FLG: variants seen among roughly 807,000 people sequenced by gnomAD.
FLG encodes the protein filaggrin.
In FLG, 6 loss-of-function variants were observed where a neutral mutation model predicts 3.8. That is an observed-to-expected ratio of 1.60 (90% CI 0.87 to 3.15). FLG has a LOEUF of 3.15. FLG is among the 30% of genes most tolerant of loss of function. FLG has a pLI of 0.00. For synonymous variants in FLG, 2,551 were observed against 1,931.6 expected, an observed-to-expected ratio of 1.32 and a Z score of -8.41; for missense variants, 7,595 against 5,050.9, an observed-to-expected ratio of 1.50 and a Z score of -15.27.
Position 152,307,620 on chromosome 1 carries a change from T to C in FLG, c.7266A>G (p.Glu2422=), listed in dbSNP as rs1652069864. 6.2e-7 allele frequency: 1 copy of C among 1,613,526 alleles called. No individual in the cohort carries two copies. Among genetic ancestry groups the C allele is most frequent in the Non-Finnish European group, 8.5e-7 (1 of 1,179,890 alleles). The part of the protein sequence containing the change: ...GSFLYQVSTH[E]QSESAHGRTG... ...TCCGTCCATGGGCGGACTCAGACTG[T>C]TCATGAGTGCTCACCTGGTAGAGGA... Residue 2422 remains glutamate, a synonymous_variant, in exon 3 of 3, where the codon GAA becomes GAG. Coordinates refer to ENST00000368799, the MANE Select transcript of FLG (RefSeq NM_002016.2).
At position 152,308,991 on chromosome 1, in the gene FLG, G is replaced by A. The variant is rs147091039; in HGVS notation, c.5895C>T (p.Ala1965=). ...RHPGSHHEDR[A]GHGHSADSSR... Reference sequence around the variant, plus strand: ...AGCTGTCTGCAGAGTGCCCGTGACCGGCTCTGTCTTCGTGATGGGACCCAG... The same window carrying A: ...AGCTGTCTGCAGAGTGCCCGTGACCAGCTCTGTCTTCGTGATGGGACCCAG... Residue 1965 remains alanine (A), a synonymous_variant, in exon 3 of 3, where the codon GCC becomes GCT. Coordinates refer to ENST00000368799, the MANE Select transcript of FLG (RefSeq NM_002016.2). The A allele has an allele frequency of 9.2e-5, 149 of 1,614,140 alleles. No individual in the cohort carries two copies. Among genetic ancestry groups the A allele is most frequent in the East Asian group, 8.9e-4 (40 of 44,880 alleles).
rs780478963 is a variant in FLG at position 152,310,852 on chromosome 1, G to T, written c.4034C>A (p.Ser1345Tyr). Residue 1345 changes from serine (S) to tyrosine (Y), a missense_variant, in exon 3 of 3, where the codon TCC (serine) becomes TAC (tyrosine). Transcript: ENST00000368799. ...ESSSHGQAVSSHEQARSSPGE... is the reference protein window; with the variant it reads ...ESSSHGQAVSYHEQARSSPGE... The stretch of plus-strand genomic sequence containing the variant: ...TGGACTTGATCTTGCCTGTTCATGG[G>T]ATGACACAGCCTGTCCATGAGAGGA... 2.5e-6 allele frequency: 4 copies of T among 1,613,830 alleles called. No individual in the cohort carries two copies. The highest frequency in any genetic ancestry group is 3.4e-6 in the Non-Finnish European group (4 of 1,179,860).
At position 152,308,432 on chromosome 1, in the gene FLG, A is replaced by T; in HGVS notation, c.6454T>A (p.Ser2152Thr). 6.2e-7 allele frequency: 1 copy of T among 1,611,990 alleles called. No individual in the cohort carries two copies. The highest frequency in any genetic ancestry group is 8.5e-7 in the Non-Finnish European group (1 of 1,179,244). Residue 2152 changes from serine (S) to threonine (T), a missense_variant, in exon 3 of 3, where the codon TCC (serine) becomes ACC (threonine). Physicochemically the swap from Ser to Thr is moderately conservative, Grantham distance 58. Coordinates refer to ENST00000368799, the MANE Select transcript of FLG (RefSeq NM_002016.2). ...CTATCTACCGATTGCTCTTGGTGGGACCCCTGTCTTCCTCCTCTGCTTGGC... is the reference window on the plus strand; with the variant it reads ...CTATCTACCGATTGCTCTTGGTGGGTCCCCTGTCTTCCTCCTCTGCTTGGC... Reference protein sequence around the residue: ...PGPSRGGRQGSHQEQSVDRSG... With the variant: ...PGPSRGGRQGTHQEQSVDRSG...
At position 152,310,120 on chromosome 1, in the gene FLG, C is replaced by G. The variant is rs143520776; in HGVS notation, c.4766G>C (p.Arg1589Pro). The change falls in exon 3 of 3, where the codon CGC becomes CCC. Residue 1589 changes from arginine (R) to proline (P), a missense_variant. Physicochemically the swap from Arg to Pro is moderately radical, Grantham distance 103. Transcript: ENST00000368799. ...GTCCTGACTAACACTGGATCCCTGG[C>G]GCCTGCTTGTCTTGGACCCCGCTGA... is the stretch of plus-strand genomic sequence containing the variant. ...GESAGSKTSR[R>P]QGSSVSQDRD... 6.2e-6 allele frequency: 10 copies of G among 1,613,698 alleles called. No individual in the cohort carries two copies. The highest frequency in any genetic ancestry group is 2.7e-5 in the African/African-American group (2 of 74,776).
In FLG at chr1:152,308,549, C is replaced by T. The variant is rs1465982893; in HGVS notation, c.6337G>A (p.Gly2113Arg). ...TGATCATAATGGGATCCTTGTCTTCCTCCAGTGCTGGGCGCAGACTGTCCA... is the reference window on the plus strand; with the variant it reads ...TGATCATAATGGGATCCTTGTCTTCTTCCAGTGCTGGGCGCAGACTGTCCA... The part of the protein sequence containing the change: ...THGQSAPSTG[G>R]RQGSHYDQAQ... The change falls in exon 3 of 3, where the codon GGA (glycine) becomes AGA (arginine). Residue 2113 changes from glycine to arginine, a missense_variant. By Grantham distance (125) the Gly-to-Arg change is moderately radical (BLOSUM62 -2). Transcript: ENST00000368799. 6.2e-7 allele frequency: 1 copy of T among 1,614,004 alleles called. No homozygotes were observed. The highest frequency in any genetic ancestry group is 1.7e-5 in the Admixed American group (1 of 60,004).
Position 152,311,106 on chromosome 1 carries a change from G to C in FLG, c.3780C>G (p.Ser1260=). ...SQVGQEQSSG[S]RTSRHQGSSV... ...TGGATCCCTGGTGCCTGCTTGTCCT[G>C]GACCCCGATGATTGTTCCTGTCCCA... The change falls in exon 3 of 3, where the codon TCC becomes TCG. Residue 1260 remains serine (S), a synonymous_variant. Coordinates refer to ENST00000368799, the MANE Select transcript of FLG (RefSeq NM_002016.2). 1 of 1,613,852 alleles carries C rather than the reference G, an allele frequency of 6.2e-7. No homozygotes were observed. Among genetic ancestry groups the C allele is most frequent in the Middle Eastern group, 1.6e-4 (1 of 6,062 alleles).
In FLG at chr1:152,314,589, G is replaced by A. The variant is rs989936250; in HGVS notation, c.297C>T (p.His99=). The change falls in exon 3 of 3, where the codon CAC becomes CAT. Residue 99 remains histidine (H), a synonymous_variant. Coordinates refer to ENST00000368799, the MANE Select transcript of FLG (RefSeq NM_002016.2). ...CATGATGACTGTGCTTTCTGTGCTT[G>A]TGTCCTGATATCGGTAAATTCTCTT... ...TRKENLPISG[H]KHRKHSHHDK... The A allele has an allele frequency of 1.9e-6, 3 of 1,613,636 alleles. No homozygotes were observed. The highest frequency in any genetic ancestry group is 1.7e-6 in the Non-Finnish European group (2 of 1,179,832).
At position 152,303,829 on chromosome 1, in the gene FLG, C is replaced by T; in HGVS notation, c.11057G>A (p.Gly3686Glu). ...TQSVSAHGQA[G>E]PHQQSHQEST... ...CTCTTGGTGGCTCTGCTGATGGGGC[C>T]CAGCCTGTCCGTGGGCTGACACTGA... The change falls in exon 3 of 3, where the codon GGG becomes GAG. Residue 3686 changes from glycine (G) to glutamate (E), a missense_variant. By Grantham distance (98) the Gly-to-Glu change is moderately conservative. Coordinates refer to ENST00000368799, the MANE Select transcript of FLG (RefSeq NM_002016.2). 1 of 1,613,652 alleles carries T rather than the reference C, an allele frequency of 6.2e-7. No homozygotes were observed. The highest frequency in any genetic ancestry group is 1.3e-5 in the African/African-American group (1 of 74,934).
rs557533254 is a variant in FLG, at chr1:152,303,802, G to C, written c.11084C>G (p.Ser3695Cys). ...CCTTCCTGCTGACCGGCCACGTGTG[G>C]ACTCTTGGTGGCTCTGCTGATGGGG... The part of the protein sequence containing the change: ...AGPHQQSHQE[S>C]TRGRSAGRSG... The change falls in exon 3 of 3, where the codon TCC becomes TGC. Residue 3695 changes from serine (S) to cysteine (C), a missense_variant. Coordinates refer to ENST00000368799, the MANE Select transcript of FLG (RefSeq NM_002016.2). 1.9e-6 allele frequency: 3 copies of C among 1,613,674 alleles called. No homozygotes were observed. In the African/African-American group the frequency reaches 4.0e-5, roughly 22 times the overall value.
chr1:152,321,004 C>T (rs1180044381), intron 1 of FLG, among the ~76,000 whole-genome samples: 1 of 150,510 alleles, frequency 6.6e-6, no homozygotes, highest in Non-Finnish European at 1.5e-5. Context: ...TATGAAATAG[C>T]ATAACTTGTG....
Position 152,303,608 on chromosome 1 carries a change from C to A in FLG, c.11278G>T (p.Gly3760Ter). The change falls in exon 3 of 3, where the codon GGA (glycine) becomes TGA (stop). Residue 3760 changes from glycine to a stop codon, truncating the protein, a stop_gained. Coordinates refer to ENST00000368799, the MANE Select transcript of FLG (RefSeq NM_002016.2). LOFTEE classifies it low-confidence loss of function (END_TRUNC). ...CCTCCTCTCCTTGACCCCGGGTGTC[C>A]ACGAATGGTGTCCTGACCCTCTTGG... ...ASQEGQDTIRGHPGSRRGGRQ... is the reference protein window; with the variant it reads ...ASQEGQDTIR 6.2e-7 allele frequency: 1 copy of A among 1,613,994 alleles called. No individual in the cohort carries two copies. Among genetic ancestry groups the A allele is most frequent in the Non-Finnish European group, 8.5e-7 (1 of 1,179,966 alleles).
In FLG at chr1:152,311,315, A is replaced by C. The variant is rs773583525; in HGVS notation, c.3571T>G (p.Ser1191Ala). The change falls in exon 3 of 3, where the codon TCA becomes GCA. Residue 1191 changes from serine to alanine, a missense_variant. Ser to Ala is a moderately conservative substitution (Grantham distance 99). Transcript: ENST00000368799. Reference protein sequence around the residue: ...HEQSVDRSGHSGSHHSHTTSQ... With the variant: ...HEQSVDRSGHAGSHHSHTTSQ... ...GTGGTGTGGCTGTGATGGGACCCTGAGTGTCCAGATCTATCTACCGATTGC... is the reference window on the plus strand; with the variant it reads ...GTGGTGTGGCTGTGATGGGACCCTGCGTGTCCAGATCTATCTACCGATTGC... 1.7e-5 allele frequency: 28 copies of C among 1,613,608 alleles called. No individual in the cohort carries two copies. The South Asian group carries it at 2.7e-4, about 16-fold the overall frequency.
chr1:152,315,857 CA>C (rs1411351522), intron 1 of FLG, among the ~76,000 whole-genome samples: 1 of 152,104 alleles, frequency 6.6e-6, no homozygotes, highest in Non-Finnish European at 1.5e-5. Flanking sequence ...ATTACTTCCC[CA>C]AAAGCTAACT....
chr1:152,309,664 C>T lies in FLG; in HGVS notation c.5222G>A (p.Gly1741Glu). 6.2e-7 allele frequency: 1 copy of T among 1,613,682 alleles called. No individual in the cohort carries two copies. Among genetic ancestry groups the T allele is most frequent in the Non-Finnish European group, 8.5e-7 (1 of 1,179,898 alleles). Residue 1741 changes from glycine (G) to glutamate (E), a missense_variant, in exon 3 of 3, where the codon GGG (glycine) becomes GAG (glutamate). Gly to Glu is a moderately conservative substitution (Grantham distance 98). Coordinates refer to ENST00000368799, the MANE Select transcript of FLG (RefSeq NM_002016.2). Reference protein sequence around the residue: ...TQSVSAHGQAGPHQQSHQEST... With the variant: ...TQSVSAHGQAEPHQQSHQEST... Reference sequence around the variant, plus strand: ...CTCTTGGTGGCTCTGCTGATGGGGCCCAGCCTGTCCGTGGGCTGACACTGA... The same window carrying T: ...CTCTTGGTGGCTCTGCTGATGGGGCTCAGCCTGTCCGTGGGCTGACACTGA...
In FLG at chr1:152,312,810, C is replaced by T. The variant is rs1165382237; in HGVS notation, c.2076G>A (p.Gln692=). The T allele has an allele frequency of 5.6e-6, 9 of 1,613,976 alleles. No individual in the cohort carries two copies. The highest frequency in any genetic ancestry group is 5.1e-6 in the Non-Finnish European group (6 of 1,180,032). ...TTGCCTGTTCATGGGATGACGCAGC[C>T]TGTCCACTAGAGGAATTCTGTGTGT... ...TRHTQNSSSG[Q]AASSHEQARS... The change falls in exon 3 of 3, where the codon CAG becomes CAA. Residue 692 remains glutamine (Q), a synonymous_variant. Transcript: ENST00000368799.
rs767020125 is a variant in FLG at position 152,312,239 on chromosome 1, A to T, written c.2647T>A (p.Ser883Thr). Residue 883 changes from serine to threonine, a missense_variant, in exon 3 of 3, where the codon TCC (serine) becomes ACC (threonine). Physicochemically the swap from Ser to Thr is moderately conservative, Grantham distance 58. Coordinates refer to ENST00000368799, the MANE Select transcript of FLG (RefSeq NM_002016.2). ...HTTSQGRSDA[S>T]RGQSGSRSAS... ...CTTCTGGATCCTGACTGCCCACGGG[A>T]GGCATCAGACCTTCCCTGGGATGTG... is the stretch of plus-strand genomic sequence containing the variant. 3 of 1,613,624 alleles carry T rather than the reference A, an allele frequency of 1.9e-6. No homozygotes were observed. Among genetic ancestry groups the T allele is most frequent in the African/African-American group, 1.3e-5 (1 of 74,840 alleles).
Position 152,303,942 on chromosome 1 carries a change from T to A in FLG, c.10944A>T (p.Ser3648=), listed in dbSNP as rs1651761079. 1 of 1,613,886 alleles carries A rather than the reference T, an allele frequency of 6.2e-7. No individual in the cohort carries two copies. Among genetic ancestry groups the A allele is most frequent in the Non-Finnish European group, 8.5e-7 (1 of 1,179,988 alleles). The change falls in exon 3 of 3, where the codon TCA becomes TCT. Residue 3648 remains serine, a synonymous_variant. Transcript: ENST00000368799. ...GGTGTCCACTGTCTCTGACTGCAGA[T>A]GAAGCTTGTCCGTGCCCAATGCCTG... ...RHSGIGHGQA[S]SAVRDSGHRG... is the part of the protein sequence containing the mutation.
intron 1 of FLG, among the ~76,000 whole-genome samples, chr1:152,323,825 CA>C (rs751722632): frequency 1.5e-4 from 22 of 151,516 alleles, no homozygotes; most frequent in Non-Finnish European, 2.8e-4. Context: ...AAGTAGTACA[CA>C]AAAAAGTGCA....
chr1:152,304,253 T>A lies in FLG; in HGVS notation c.10633A>T (p.Ser3545Cys), dbSNP rs143702886. 4.7e-4 allele frequency: 762 copies of A among 1,613,272 alleles called. 6 individuals are homozygous for A. Among genetic ancestry groups the A allele is most frequent in the Non-Finnish European group, 5.8e-5 (69 of 1,179,698 alleles). The change falls in exon 3 of 3, where the codon AGT becomes TGT. Residue 3545 changes from serine to cysteine, a missense_variant. Physicochemically the swap from Ser to Cys is moderately radical, Grantham distance 112 (BLOSUM62 -1). Transcript: ENST00000368799. Reference sequence around the variant, plus strand: ...TCAGAGTCTTCTGAGTGTCCCTGACTGTCACTGTCCTGGCTAACACTGGAT... The same window carrying A: ...TCAGAGTCTTCTGAGTGTCCCTGACAGTCACTGTCCTGGCTAACACTGGAT... ...QGSSVSQDSD[S>C]QGHSEDSERW...
Sources: gnomAD v4.1 joint callset for allele counts (sites outside exome capture counted in the v4.1 genomes callset) on GRCh38, gnomAD v4.1.1 for gene constraint, MANE v1.5 for transcripts, NCBI Gene and HGNC (gene_info 2026-07-23, HGNC 2026-07-21) for gene names.